The following USP42 variants were observed in gnomAD, a reference collection of about 807,000 sequenced individuals.
USP42 encodes the protein ubiquitin carboxyl-terminal hydrolase 42.
Under a neutral mutation model 113.0 loss-of-function variants are expected in USP42, and 23 were observed. The ratio of observed to expected loss-of-function variants is 0.20; its 90% CI spans 0.15 to 0.29. USP42 has a LOEUF of 0.29. USP42 is among the 10% of genes least tolerant of loss of function. The pLI is 1.00. For synonymous variants in USP42, 933 were observed against 699.0 expected (o/e 1.33, Z -5.28); for missense variants, 2,174 against 1,779.8 (o/e 1.22, Z -3.99).
At chr7:6,081,718 C>G in the USP42 span, 1 of 152,344 alleles carries the variant, frequency 6.6e-6, no homozygotes, top group South Asian at 2.1e-4. Context: ...GGTGATCGCG[C>G]TGCTGAAAGC....
At chr7:6,156,657 AATGT>A in intron 15 of USP42, 93 bp from the exon 16 acceptor site, 2 of 1,442,204 alleles carry the variant, frequency 1.4e-6, no homozygotes, top group East Asian at 2.5e-5. Flanking sequence ...CTGCACAGTG[AATGT>A]TCTCGGTGAA....
At chr7:6,144,034 A>G in intron 8 of USP42, 51 bp from the exon 9 acceptor site, 9 of 1,212,546 alleles carry the variant, frequency 7.4e-6, no homozygotes, top group Non-Finnish European at 9.0e-6. Context: ...AATACCACAA[A>G]TTGTGTGTAT....
intron 15 of USP42, among the ~76,000 whole-genome samples, chr7:6,156,508 GTT>G (rs1782451904): frequency 2.6e-5 from 4 of 152,298 alleles, no homozygotes; most frequent in Admixed American, 2.6e-4. Context: ...GGAGTGCGGT[GTT>G]GCAGTCGTAG....
chr7:6,125,476 G>T (rs1310239814), intron 3 of USP42, among the ~76,000 whole-genome samples: 1 of 152,158 alleles, frequency 6.6e-6, no homozygotes, highest in Non-Finnish European at 1.5e-5. Context: ...GGCAACAAGA[G>T]CGAAACTCTG....
At chr7:6,141,039 A>T in intron 7 of USP42, 55 bp downstream of exon 7, 1 of 901,298 alleles carries the variant, frequency 1.1e-6, no homozygotes, top group South Asian at 1.6e-5. Context: ...CATTTTATGT[A>T]ACTGTAGTTC....
intron 3 of USP42, among the ~76,000 whole-genome samples, chr7:6,130,286 G>A (rs1023132106): frequency 3.9e-5 from 6 of 152,228 alleles, no homozygotes; most frequent in African/African-American, 2.4e-5. Flanking sequence ...CTCAGCCTCC[G>A]TTGGCACCCC....
chr7:6,117,016 C>G, intron 3 of USP42: 1 of 381,490 alleles, frequency 2.6e-6, no homozygotes, highest in South Asian at 2.1e-5. Context: ...CTTTCTCTCT[C>G]TCTTTTCCCA....
chr7:6,155,559 C>T (rs528544910), intron 15 of USP42, among the ~76,000 whole-genome samples: 2 of 151,708 alleles, frequency 1.3e-5, no homozygotes, highest in African/African-American at 4.9e-5. Flanking sequence ...AATATTCTTA[C>T]TTGTCAGATG....
intron 3 of USP42, among the ~76,000 whole-genome samples, chr7:6,133,891 CTTTTTTTT>C (rs386409441): frequency 1.5e-5 from 2 of 129,036 alleles, no homozygotes; most frequent in African/African-American, 5.8e-5. Flanking sequence ...GTTTCTTCTT[CTTTTTTTT>C]TTTTTTTTTG....
chr7:6,091,108 A>G, the USP42 span, among the ~76,000 whole-genome samples: 5 of 151,024 alleles, frequency 3.3e-5, no homozygotes, highest in African/African-American at 1.2e-4. Context: ...GGTTTATTGC[A>G]TATGATTTGC....
intron 4 of USP42, among the ~76,000 whole-genome samples, chr7:6,138,812 C>G (rs1781295669): frequency 2.0e-5 from 3 of 152,196 alleles, no homozygotes; most frequent in Admixed American, 1.3e-4. Context: ...GCCTGATGAT[C>G]TGAGCTGGAA....
At chr7:6,112,492 G>A (rs78412581) in intron 2 of USP42, among the ~76,000 whole-genome samples, 206 of 152,086 alleles carry the variant, frequency 1.4e-3, no homozygotes, top group African/African-American at 4.8e-3. Context: ...TAACACAAAT[G>A]TTACATTTGT....
At chr7:6,145,779 A>G in intron 10 of USP42, 123 bp downstream of exon 10, 1 of 1,174,016 alleles carries the variant, frequency 8.5e-7, no homozygotes, top group South Asian at 1.5e-5. Context: ...AGGTAAAAAT[A>G]TTTCTCTTGG....
chr7:6,102,747 A>T (rs1790165891), upstream of USP42, among the ~76,000 whole-genome samples: 1 of 150,798 alleles, frequency 6.6e-6, no homozygotes, highest in Non-Finnish European at 1.5e-5. Flanking sequence ...TATGGTTGAA[A>T]CACATAAAAG....
rs1259408389 is a variant in USP42, at chr7:6,153,718, C to T, written c.2202-38C>T. On this transcript the variant is annotated intron_variant, in intron 14 of 17. Transcript: ENST00000306177. ...TGCAATGACATGAGCCTGTCAAGCCCACGCTAACGGGCGTGTTTGTTTGTT... is the reference window on the plus strand; with the variant it reads ...TGCAATGACATGAGCCTGTCAAGCCTACGCTAACGGGCGTGTTTGTTTGTT... 16 of 1,426,830 alleles carry T rather than the reference C, an allele frequency of 1.1e-5. 1 individual carries two copies. Among genetic ancestry groups the T allele is most frequent in the African/African-American group, 3.0e-5 (2 of 67,360 alleles). 88.4% of individuals were successfully genotyped at this position (1,426,830 alleles called of 1,614,324 possible).
intron 1 of USP42, among the ~76,000 whole-genome samples, chr7:6,109,844 G>A (rs943897922): frequency 5.9e-5 from 9 of 151,766 alleles, no homozygotes; most frequent in Non-Finnish European, 8.8e-5. Flanking sequence ...GAGATTACAG[G>A]TACGTGCCAC....
intron 1 of USP42, among the ~76,000 whole-genome samples, chr7:6,107,697 C>T (rs1049756587): frequency 2.0e-5 from 3 of 152,128 alleles, no homozygotes; most frequent in Non-Finnish European, 2.9e-5. Context: ...GTGTGAGCAC[C>T]TGCGCCCGGC....
At chr7:6,136,967 C>G (rs1562831229) in intron 4 of USP42, among the ~76,000 whole-genome samples, 1 of 152,048 alleles carries the variant, frequency 6.6e-6, no homozygotes, top group Non-Finnish European at 1.5e-5. Flanking sequence ...AATATATACT[C>G]AGAGCTTAGC....
In USP42 at chr7:6,154,945, C is replaced by G. The variant is rs753207750; in HGVS notation, c.3391C>G (p.Arg1131Gly). 1 of 1,554,106 alleles carries G rather than the reference C, an allele frequency of 6.4e-7. No homozygotes were observed. The highest frequency in any genetic ancestry group is 8.7e-7 in the Non-Finnish European group (1 of 1,148,440). ...CCACGCCCTCGCCCCGCACCCCGAC[C>G]GCTTCTCCCACGACAGAACTGCACT... ...APHALAPHPDRFSHDRTALVA... is the reference protein window; with the variant it reads ...APHALAPHPDGFSHDRTALVA... The change falls in exon 15 of 18, where the codon CGC becomes GGC. Residue 1131 changes from arginine to glycine, a missense_variant. By Grantham distance (125) the Arg-to-Gly change is moderately radical (BLOSUM62 -2). Transcript: ENST00000306177.
Sources: allele counts gnomAD v4.1 joint callset (sites outside exome capture counted in the v4.1 genomes callset), GRCh38; gene constraint gnomAD v4.1.1; transcripts MANE v1.5; gene names NCBI Gene and HGNC (gene_info 2026-07-23, HGNC 2026-07-21).